Variants in TRAK1 observed in about 807,000 individuals in gnomAD.
The protein encoded by TRAK1 is trafficking kinesin-binding protein 1.
Under a neutral mutation model 92.1 loss-of-function variants are expected in TRAK1, and 33 were observed. That is an observed-to-expected ratio of 0.36 (90% CI 0.27 to 0.48). The LOEUF (loss-of-function observed/expected upper bound fraction) is 0.48. Ranked by LOEUF, TRAK1 falls within the 20% of genes least tolerant of loss-of-function variation. TRAK1 has a pLI of 0.99. For synonymous variants in TRAK1, 521 were observed against 517.3 expected (o/e 1.01, Z -0.10); for missense variants, 1,123 against 1,257.9 (o/e 0.89, Z 1.62).
Position 42,223,601 on chromosome 3 carries a change from A to G in TRAK1, c.2726A>G (p.Gln909Arg). Residue 909 changes from glutamine (Q) to arginine (R), a missense_variant, in exon 16 of 16, where the codon CAG becomes CGG. Physicochemically the swap from Gln to Arg is conservative, Grantham distance 43 (BLOSUM62 1). This residue lies in a region of TRAK1 where 401 missense variants were observed against 438.9 expected (regional missense o/e 0.91). Transcript: ENST00000327628. The surrounding 1 kb of genome is among the most constrained non-coding windows in gnomAD (Gnocchi z 6.1). ...GTCACCAGTGCCATCGGTGGGCTGC[A>G]GCTCAATAGTGGCATCCGGCGGAAT... is the stretch of plus-strand genomic sequence containing the variant. ...PTVTSAIGGLQLNSGIRRNRS... is the reference protein window; with the variant it reads ...PTVTSAIGGLRLNSGIRRNRS... 2 of 1,613,936 alleles carry G rather than the reference A, an allele frequency of 1.2e-6. No individual in the cohort carries two copies. Among genetic ancestry groups the G allele is most frequent in the Non-Finnish European group, 8.5e-7 (1 of 1,179,990 alleles).
intron 13 of TRAK1, among the ~76,000 whole-genome samples, chr3:42,207,953 T>A (rs1201584611): frequency 6.6e-6 from 1 of 152,158 alleles, no homozygotes; most frequent in Non-Finnish European, 1.5e-5. Flanking sequence ...CATCTCTGGC[T>A]TTTACCCCCT....
At chr3:42,100,244 G>A (rs1157427450) in intron 1 of TRAK1, among the ~76,000 whole-genome samples, 2 of 152,172 alleles carry the variant, frequency 1.3e-5, no homozygotes, top group African/African-American at 2.4e-5. Flanking sequence ...TGCATGCCCT[G>A]TAGTCCCAGC....
At chr3:42,168,925 G>A (rs1023664462) in intron 2 of TRAK1, among the ~76,000 whole-genome samples, 7 of 152,164 alleles carry the variant, frequency 4.6e-5, no homozygotes, top group African/African-American at 1.4e-4. Flanking sequence ...CCAGGTTCAA[G>A]CGATTCTCCT....
chr3:42,193,675 C>T (rs962975099), intron 8 of TRAK1, 149 bp from the exon 9 acceptor site: 84 of 883,880 alleles, frequency 9.5e-5, no homozygotes, highest in Non-Finnish European at 1.5e-4. Context: ...ACTTTACCTT[C>T]AAAATAATAT....
At chr3:42,175,180 G>A (rs1456055003) in intron 2 of TRAK1, among the ~76,000 whole-genome samples, 1 of 152,122 alleles carries the variant, frequency 6.6e-6, no homozygotes, top group African/African-American at 2.4e-5. Context: ...AGACCACTTA[G>A]TTGCTGTGGT....
chr3:42,139,902 T>C (rs1352060818), intron 2 of TRAK1, among the ~76,000 whole-genome samples: 2 of 152,006 alleles, frequency 1.3e-5, no homozygotes, highest in African/African-American at 4.8e-5. Context: ...GAGCTTCTGG[T>C]TCACTTGTGT....
chr3:42,224,400 G>T lies in TRAK1; in HGVS notation c.*663G>T. On this transcript the variant is annotated 3_prime_UTR_variant, in exon 16 of 16. Transcript: ENST00000327628. ...GTCATCCTGTGTTTTGTAATCAGCT[G>T]TCAGGCCAAATGTCTGACCCGAAAG... is the stretch of plus-strand genomic sequence containing the variant. The T allele has an allele frequency of 4.0e-6, 1 of 252,788 alleles. No individual in the cohort carries two copies. The highest frequency in any genetic ancestry group is 7.7e-6 in the Non-Finnish European group (1 of 129,736). The allele number at this position is 252,788 out of a possible 1,614,324, so 15.7% of individuals were successfully genotyped here.
chr3:42,078,520 G>C (rs1704264913), intron 1 of TRAK1, among the ~76,000 whole-genome samples: 1 of 152,044 alleles, frequency 6.6e-6, no homozygotes, highest in Non-Finnish European at 1.5e-5. Flanking sequence ...TTGGGAGGCT[G>C]AGGCAGGCGG....
At chr3:42,167,254 T>C (rs1701992629) in intron 2 of TRAK1, among the ~76,000 whole-genome samples, 1 of 152,188 alleles carries the variant, frequency 6.6e-6, no homozygotes, top group African/African-American at 2.4e-5. Context: ...AAATGAGCTC[T>C]TCTTTGCAAG....
chr3:42,080,743 G>C (rs1452372193), intron 1 of TRAK1, among the ~76,000 whole-genome samples: 1 of 152,222 alleles, frequency 6.6e-6, no homozygotes, highest in Non-Finnish European at 1.5e-5. Context: ...TGTCCCCAGA[G>C]GGCACATGCT....
At chr3:42,190,363 C>T (rs1417973408) in intron 6 of TRAK1, among the ~76,000 whole-genome samples, 2 of 152,128 alleles carry the variant, frequency 1.3e-5, no homozygotes, top group African/African-American at 4.8e-5. Flanking sequence ...TCTTCATGTC[C>T]CGTCTGAACA....
intron 1 of TRAK1, among the ~76,000 whole-genome samples, chr3:42,062,090 A>G (rs1410610431): frequency 1.3e-5 from 2 of 152,208 alleles, no homozygotes; most frequent in Non-Finnish European, 2.9e-5. Flanking sequence ...GATCCTGCTC[A>G]TATGTGTGGC....
intron 1 of TRAK1, among the ~76,000 whole-genome samples, chr3:42,062,986 G>A (rs924625081): frequency 2.6e-5 from 4 of 152,180 alleles, no homozygotes; most frequent in South Asian, 2.1e-4. Flanking sequence ...TATGGAGGAC[G>A]TGCTTCAGAA....
intron 2 of TRAK1, among the ~76,000 whole-genome samples, chr3:42,149,860 A>G (rs927073905): frequency 5.3e-5 from 8 of 152,094 alleles, no homozygotes; most frequent in African/African-American, 1.9e-4. Context: ...CTGGGCTTGT[A>G]AGTGTTATAC....
intron 14 of TRAK1, chr3:42,210,791 C>CG (rs1301415951): frequency 1.0e-6 from 1 of 985,338 alleles, no homozygotes; most frequent in East Asian, 1.1e-4. Flanking sequence ...CGTCACTAAG[C>CG]TTTTCCAGAG....
At chr3:42,169,671 CAA>C (rs10710580) in intron 2 of TRAK1, among the ~76,000 whole-genome samples, 11,114 of 139,804 alleles carry the variant, frequency 0.079, 435 homozygotes, top group African/African-American at 0.11. Flanking sequence ...AACTCCATCT[CAA>C]AAAAAAAAAA....
At position 42,200,823 on chromosome 3, in the gene TRAK1, A is replaced by G. The variant is rs745668637; in HGVS notation, c.1196A>G (p.Gln399Arg). The G allele has an allele frequency of 2.2e-5, 35 of 1,614,052 alleles. No homozygotes were observed. The highest frequency in any genetic ancestry group is 1.9e-4 in the South Asian group (17 of 91,080). ...EEAESPDITH[Q>R]KRVFETVRNI... ...ATGCCGTGCATTCTCCCTAGTCACC[A>G]GAAGCGTGTCTTTGAGACAGTAAGA... The change falls in exon 12 of 16, where the codon CAG becomes CGG. Residue 399 changes from glutamine to arginine, a missense_variant. Gln to Arg is a conservative substitution (Grantham distance 43). Around this residue, in one of 3 missense-constraint regions of TRAK1, gnomAD observed 686 missense variants for 747.6 expected, o/e 0.92. Coordinates refer to ENST00000327628, the MANE Select transcript of TRAK1 (RefSeq NM_001042646.3).
In TRAK1 at chr3:42,160,379, G is replaced by A. The variant is rs373479760; in HGVS notation, c.287-16435G>A. 2.4e-5 allele frequency: 39 copies of A among 1,614,082 alleles called. No homozygotes were observed. In the African/African-American group the frequency reaches 4.0e-4, roughly 17 times the overall value. On this transcript the variant is annotated intron_variant, in intron 2 of 15. Transcript: ENST00000327628. ...CTTCAGCAATGTCCCTGCGAGACAA[G>A]GGCGGGGAAGAAGAATGTTTTGAAT... is the stretch of plus-strand genomic sequence containing the variant.
chr3:42,185,596 C>G (rs1166731634), intron 4 of TRAK1, among the ~76,000 whole-genome samples: 3 of 152,034 alleles, frequency 2.0e-5, no homozygotes, highest in African/African-American at 7.2e-5. Flanking sequence ...TTCTTTCTAT[C>G]ACTCTGTTCT....
Sources: gnomAD v4.1 joint callset for allele counts (sites outside exome capture counted in the v4.1 genomes callset) on GRCh38, gnomAD v4.1.1 for gene constraint, gnomAD v4.1.1 regional missense constraint, Gnocchi (gnomAD v3.1) non-coding constraint, MANE v1.5 for transcripts, NCBI Gene and HGNC (gene_info 2026-07-23, HGNC 2026-07-21) for gene names.